The following EXOC6B variants were observed in gnomAD, a reference collection of about 807,000 sequenced individuals.
EXOC6B encodes exocyst complex component 6B.
In EXOC6B, 54 loss-of-function variants were observed where a neutral mutation model predicts 113.5. The observed-to-expected ratio is 0.48, with a 90% CI of 0.38 to 0.60. The LOEUF (loss-of-function observed/expected upper bound fraction) is 0.60, where lower values mean the gene tolerates loss of function less well. Ranked by LOEUF, EXOC6B falls within the 20% of genes least tolerant of loss-of-function variation. EXOC6B has a pLI of 0.00. For missense variants in EXOC6B, 797 were observed against 977.5 expected, an observed-to-expected ratio of 0.82 and a Z score of 2.46; for synonymous variants, 357 against 339.0, an observed-to-expected ratio of 1.05 and a Z score of -0.58.
chr2:72,400,456 A>G (rs1176578700), intron 18 of EXOC6B, among the ~76,000 whole-genome samples: 1 of 152,154 alleles, frequency 6.6e-6, no homozygotes, highest in Non-Finnish European at 1.5e-5. Context: ...TAATTAAACT[A>G]GAAAGCATCT....
intron 6 of EXOC6B, among the ~76,000 whole-genome samples, chr2:72,615,833 T>A (rs185053967): frequency 6.6e-6 from 1 of 152,128 alleles, no homozygotes; most frequent in African/African-American, 2.4e-5. Flanking sequence ...ATGGTTATTA[T>A]AGAAGACATC....
Position 72,762,978 on chromosome 2 carries a change from GC to G in EXOC6B, c.114-21510del, listed in dbSNP as rs1171218433. Among the ~76,000 whole-genome samples the G allele has an allele frequency of 2.0e-5, 3 of 152,076 alleles. No homozygotes were observed. The East Asian group carries it at 5.8e-4, about 29-fold the overall frequency. On this transcript the variant is annotated intron_variant, in intron 1 of 21. Transcript: ENST00000272427. The stretch of plus-strand genomic sequence containing the variant: ...GTACAATAGCATTTGAAAATACATT[GC>G]AATAAGTTAAAGATGCATACTGTAA...
intron 18 of EXOC6B, among the ~76,000 whole-genome samples, chr2:72,394,907 T>C (rs1244139249): frequency 1.3e-5 from 2 of 152,114 alleles, no homozygotes; most frequent in Non-Finnish European, 2.9e-5. Context: ...AACTGTAATT[T>C]CACTTAAAGT....
chr2:72,475,617 T>C (rs962711745), intron 17 of EXOC6B, among the ~76,000 whole-genome samples: 3 of 151,850 alleles, frequency 2.0e-5, no homozygotes, highest in Non-Finnish European at 2.9e-5. Flanking sequence ...AGCCCTCTGA[T>C]AATGAGTATA....
chr2:72,370,964 A>G (rs538224753), intron 19 of EXOC6B, among the ~76,000 whole-genome samples: 1 of 151,986 alleles, frequency 6.6e-6, no homozygotes, highest in South Asian at 2.1e-4. Flanking sequence ...AAACCTGCAC[A>G]TTGTGCACAT....
intron 20 of EXOC6B, among the ~76,000 whole-genome samples, chr2:72,221,035 A>G (rs1335642804): frequency 6.6e-6 from 1 of 152,356 alleles, no homozygotes; most frequent in African/African-American, 2.4e-5. Context: ...ACTGTAAACC[A>G]TAGTCACTCT....
intron 9 of EXOC6B, 41 bp from the exon 10 acceptor site, chr2:72,514,721 T>C (rs1196354626): frequency 7.4e-7 from 1 of 1,343,436 alleles, no homozygotes; most frequent in South Asian, 1.3e-5. Flanking sequence ...GTTTCTGTTT[T>C]GTTACATTAA....
rs1705297197 is a variant in EXOC6B at position 72,582,614 on chromosome 2, A to G, written c.670-6946T>C. ...AAATGGCACAATCTTGGCTCATTGC[A>G]ACCTCCACCTCCCGGGTTCAAGCAA... On this transcript the variant is annotated intron_variant, in intron 6 of 21. Coordinates refer to ENST00000272427, the MANE Select transcript of EXOC6B (RefSeq NM_015189.3). Among the ~76,000 whole-genome samples, 5 of 151,708 alleles carry G rather than the reference A, an allele frequency of 3.3e-5. No homozygotes were observed. In the South Asian group the frequency reaches 1.0e-3, roughly 32 times the overall value.
At chr2:72,265,079 C>G (rs1399952951) in intron 20 of EXOC6B, among the ~76,000 whole-genome samples, 1 of 151,738 alleles carries the variant, frequency 6.6e-6, no homozygotes, top group Non-Finnish European at 1.5e-5. Flanking sequence ...TAGAAGAAGA[C>G]AGGAAGACAT....
At chr2:72,409,512 A>G (rs897440717) in intron 18 of EXOC6B, among the ~76,000 whole-genome samples, 1 of 152,182 alleles carries the variant, frequency 6.6e-6, no homozygotes, top group African/African-American at 2.4e-5. Flanking sequence ...GTTGGCACAT[A>G]TACACCATGG....
intron 20 of EXOC6B, among the ~76,000 whole-genome samples, chr2:72,284,589 C>T (rs1685313091): frequency 6.6e-6 from 1 of 151,926 alleles, no homozygotes; most frequent in South Asian, 2.1e-4. Flanking sequence ...AGATCAAAAC[C>T]ACTCCTTTTC....
chr2:72,692,099 A>G (rs1677527260), intron 6 of EXOC6B, among the ~76,000 whole-genome samples: 1 of 152,198 alleles, frequency 6.6e-6, no homozygotes, highest in South Asian at 2.1e-4. Flanking sequence ...TAAACGAACA[A>G]AGGTAATCTT....
intron 8 of EXOC6B, among the ~76,000 whole-genome samples, chr2:72,546,950 A>G (rs2105807762): frequency 6.6e-6 from 1 of 152,346 alleles, no homozygotes; most frequent in Non-Finnish European, 1.5e-5. Flanking sequence ...GATACCTGAA[A>G]CCTAACTCTG....
intron 1 of EXOC6B, among the ~76,000 whole-genome samples, chr2:72,797,067 G>C (rs1238795483): frequency 1.3e-5 from 2 of 152,206 alleles, no homozygotes; most frequent in Admixed American, 1.3e-4. Context: ...GGGAACTTTA[G>C]ATAAAAGGAA....
intron 6 of EXOC6B, among the ~76,000 whole-genome samples, chr2:72,699,432 C>T (rs181685256): frequency 2.0e-5 from 3 of 150,694 alleles, no homozygotes; most frequent in Admixed American, 6.6e-5. Context: ...GAGCCAAGAT[C>T]GCGCCACTGC....
chr2:72,300,334 C>T (rs567932565), intron 20 of EXOC6B, among the ~76,000 whole-genome samples: 1 of 152,114 alleles, frequency 6.6e-6, no homozygotes, highest in Non-Finnish European at 1.5e-5. Flanking sequence ...AGGATAAAAC[C>T]GCCTACTCAA....
chr2:72,636,524 G>T (rs1233227665), intron 6 of EXOC6B, among the ~76,000 whole-genome samples: 1 of 151,212 alleles, frequency 6.6e-6, no homozygotes, highest in Non-Finnish European at 1.5e-5. Context: ...GAAGGAAGAA[G>T]AAGAGGCAGC....
chr2:72,393,868 T>A (rs1337560399), intron 18 of EXOC6B, among the ~76,000 whole-genome samples: 1 of 152,034 alleles, frequency 6.6e-6, no homozygotes, highest in Non-Finnish European at 1.5e-5. Context: ...ACCTAATGTG[T>A]TCTACTGGCA....
chr2:72,562,588 A>T (rs1466720495), intron 7 of EXOC6B, among the ~76,000 whole-genome samples: 1 of 152,154 alleles, frequency 6.6e-6, no homozygotes, highest in Non-Finnish European at 1.5e-5. Flanking sequence ...CTTCTTTATC[A>T]GCTTCATCTA....
Sources: gnomAD v4.1 joint callset for allele counts (sites outside exome capture counted in the v4.1 genomes callset) on GRCh38, gnomAD v4.1.1 for gene constraint, MANE v1.5 for transcripts, NCBI Gene and HGNC (gene_info 2026-07-23, HGNC 2026-07-21) for gene names.